Variants in CNBD1 observed in about 807,000 individuals in gnomAD.
CNBD1 encodes cyclic nucleotide binding domain containing 1, also known as cyclic nucleotide-binding domain-containing protein 1.
A neutral mutation model predicts 54.4 loss-of-function variants in CNBD1; 71 were observed. The ratio of observed to expected loss-of-function variants is 1.30; its 90% CI spans 1.08 to 1.59. CNBD1 has a LOEUF of 1.59. CNBD1 is among the 40% of genes most tolerant of loss of function. The pLI is 0.00. For missense variants in CNBD1, 659 were observed against 518.0 expected (o/e 1.27, Z -2.64); for synonymous variants, 182 against 170.7 (o/e 1.07, Z -0.51).
chr8:87,317,271 A>G (rs1809408774), intron 8 of CNBD1, among the ~76,000 whole-genome samples: 1 of 151,570 alleles, frequency 6.6e-6, no homozygotes, highest in Non-Finnish European at 1.5e-5. Context: ...TTAAGGAAGT[A>G]GCTCAAGTTG....
At chr8:87,020,190 A>T (rs983635498) in intron 4 of CNBD1, among the ~76,000 whole-genome samples, 3 of 152,140 alleles carry the variant, frequency 2.0e-5, no homozygotes, top group Non-Finnish European at 2.9e-5. Flanking sequence ...AAAGACTCGA[A>T]TCATAATAGC....
intron 8 of CNBD1, among the ~76,000 whole-genome samples, chr8:87,342,534 G>A (rs1470334616): frequency 6.6e-6 from 1 of 151,926 alleles, no homozygotes; most frequent in Non-Finnish European, 1.5e-5. Context: ...AAACTATTGG[G>A]GGAACCAGCC....
intron 4 of CNBD1, among the ~76,000 whole-genome samples, chr8:87,118,091 G>A (rs762180149): frequency 1.3e-5 from 2 of 151,862 alleles, no homozygotes; most frequent in African/African-American, 4.8e-5. Flanking sequence ...CGAGGCGGGC[G>A]GATCATGAGG....
At chr8:87,123,599 C>T (rs1811932126) in intron 4 of CNBD1, among the ~76,000 whole-genome samples, 1 of 151,246 alleles carries the variant, frequency 6.6e-6, no homozygotes, top group Non-Finnish European at 1.5e-5. Flanking sequence ...AATGTTAAGC[C>T]TCAGGAAACT....
At chr8:87,176,999 A>G (rs1450255783) in intron 4 of CNBD1, among the ~76,000 whole-genome samples, 1 of 152,164 alleles carries the variant, frequency 6.6e-6, no homozygotes, top group Non-Finnish European at 1.5e-5. Flanking sequence ...CATGTCTGAC[A>G]CTGCCAGTAT....
intron 4 of CNBD1, among the ~76,000 whole-genome samples, chr8:87,079,705 C>T (rs911402274): frequency 4.6e-5 from 7 of 152,058 alleles, no homozygotes; most frequent in African/African-American, 1.7e-4. Context: ...GTTAGAAGGA[C>T]TTCTTATTGA....
intron 6 of CNBD1, among the ~76,000 whole-genome samples, chr8:87,241,355 C>G (rs1288077994): frequency 3.5e-5 from 5 of 144,562 alleles, no homozygotes; most frequent in Admixed American, 2.2e-4. Context: ...ACTGCAAGCT[C>G]TGCCTCCCGG....
intron 6 of CNBD1, among the ~76,000 whole-genome samples, chr8:87,282,274 C>T (rs1048760462): frequency 1.3e-5 from 2 of 151,596 alleles, no homozygotes; most frequent in East Asian, 3.9e-4. Context: ...CAATTTAAAT[C>T]TCTCTTATTT....
At chr8:87,390,292 A>G (rs183970118) in intron 2 of CNBD1, among the ~76,000 whole-genome samples, 2,863 of 152,222 alleles carry the variant, frequency 0.019, 92 homozygotes, top group African/African-American at 0.062. Flanking sequence ...AAAAGAAACT[A>G]CCATCAGAGT....
At chr8:87,229,452 A>G (rs1162817673) in intron 5 of CNBD1, among the ~76,000 whole-genome samples, 1 of 152,226 alleles carries the variant, frequency 6.6e-6, no homozygotes, top group Admixed American at 6.5e-5. Context: ...TCATACATTT[A>G]ACACCACTTT....
intron 8 of CNBD1, among the ~76,000 whole-genome samples, chr8:87,350,593 T>C (rs1391467210): frequency 6.6e-6 from 1 of 151,852 alleles, no homozygotes; most frequent in Non-Finnish European, 1.5e-5. Context: ...ATTTTTATTA[T>C]GTTGATATAT....
intron 8 of CNBD1, among the ~76,000 whole-genome samples, chr8:87,347,932 A>C (rs1308216353): frequency 6.6e-6 from 1 of 152,154 alleles, no homozygotes; most frequent in Non-Finnish European, 1.5e-5. Flanking sequence ...TATTTTAGTA[A>C]GTTCTTTGGA....
At chr8:86,923,959 T>C (rs796269776) in intron 3 of CNBD1, among the ~76,000 whole-genome samples, 1 of 152,162 alleles carries the variant, frequency 6.6e-6, no homozygotes, top group African/African-American at 2.4e-5. Context: ...GGCATGACCA[T>C]ATGCAATGAA....
chr8:87,206,408 G>T (rs1319091386), intron 5 of CNBD1, among the ~76,000 whole-genome samples: 1 of 152,126 alleles, frequency 6.6e-6, no homozygotes, highest in Non-Finnish European at 1.5e-5. Flanking sequence ...GACCCATATT[G>T]TCGGGTTTAA....
At chr8:87,170,378 C>A (rs1037167507) in intron 4 of CNBD1, among the ~76,000 whole-genome samples, 16 of 152,068 alleles carry the variant, frequency 1.1e-4, no homozygotes, top group African/African-American at 3.9e-4. Context: ...GATAATTTGA[C>A]TTCTTCCTTT....
intron 3 of CNBD1, among the ~76,000 whole-genome samples, chr8:86,914,912 G>T (rs1240039267): frequency 6.6e-6 from 1 of 152,180 alleles, no homozygotes; most frequent in Non-Finnish European, 1.5e-5. Context: ...ATAGAAAAAA[G>T]ATTGTAATTA....
chr8:86,938,488 T>C (rs1232710002), intron 3 of CNBD1, among the ~76,000 whole-genome samples: 2 of 152,216 alleles, frequency 1.3e-5, no homozygotes, highest in African/African-American at 4.8e-5. Flanking sequence ...AGACTCACAG[T>C]TCCACATGGC....
chr8:86,970,663 G>A (rs1389853075), intron 4 of CNBD1, among the ~76,000 whole-genome samples: 1 of 151,762 alleles, frequency 6.6e-6, no homozygotes, highest in East Asian at 1.9e-4. Flanking sequence ...AAGTTCCTAT[G>A]TATGTAGTGT....
intron 1 of CNBD1, among the ~76,000 whole-genome samples, chr8:86,867,516 G>A (rs1357966068): frequency 6.6e-6 from 1 of 152,170 alleles, no homozygotes; most frequent in Non-Finnish European, 1.5e-5. Flanking sequence ...GGTGGCAGTT[G>A]ATACTCCTTG....
Sources: allele counts gnomAD v4.1 joint callset (sites outside exome capture counted in the v4.1 genomes callset), GRCh38; gene constraint gnomAD v4.1.1; transcripts MANE v1.5; gene names NCBI Gene and HGNC (gene_info 2026-07-23, HGNC 2026-07-21).